Variants in CLDN10 observed in about 807,000 individuals in gnomAD.
CLDN10 encodes claudin-10.
In CLDN10, 15 loss-of-function variants were observed where a neutral mutation model predicts 22.9. That is an observed-to-expected ratio of 0.65 (90% CI 0.44 to 1.01). The LOEUF (loss-of-function observed/expected upper bound fraction) is 1.01. CLDN10 is among the 50% of genes least tolerant of loss of function. The probability of loss-of-function intolerance (pLI) is 0.00; values close to 1 mark genes in which losing one functional copy is unlikely to be tolerated. For missense variants in CLDN10, 247 were observed against 287.8 expected, an observed-to-expected ratio of 0.86 and a Z score of 1.03; for synonymous variants, 114 against 111.4, an observed-to-expected ratio of 1.02 and a Z score of -0.15.
upstream of CLDN10, among the ~76,000 whole-genome samples, chr13:95,548,412 C>T (rs934047583): frequency 6.6e-6 from 1 of 152,174 alleles, no homozygotes; most frequent in African/African-American, 2.4e-5. Context: ...TAGAAATATT[C>T]TGATGGAGTA....
At chr13:95,555,337 C>T (rs1035380193) in intron 1 of CLDN10, among the ~76,000 whole-genome samples, 5 of 152,234 alleles carry the variant, frequency 3.3e-5, no homozygotes, top group Admixed American at 6.5e-5. Flanking sequence ...TGTGCGCCAC[C>T]GCGCCCAGCC....
At chr13:95,512,489 G>A (rs574894030) in intron 1 of CLDN10, among the ~76,000 whole-genome samples, 1 of 152,318 alleles carries the variant, frequency 6.6e-6, no homozygotes, top group Non-Finnish European at 1.5e-5. Context: ...AGTCTAGGAA[G>A]GGAGAGATTG....
chr13:95,458,015 T>C (rs956880049), intron 1 of CLDN10, among the ~76,000 whole-genome samples: 2 of 152,186 alleles, frequency 1.3e-5, no homozygotes, highest in African/African-American at 4.8e-5. Flanking sequence ...ACTCAACTTA[T>C]GCACCTGGGG....
At position 95,507,529 on chromosome 13, in the gene CLDN10, G is replaced by A. The variant is rs1281737869; in HGVS notation, c.215-52603G>A. On this transcript the variant is annotated intron_variant, in intron 1 of 4. Coordinates refer to the CLDN10 transcript ENST00000376873. The stretch of plus-strand genomic sequence containing the variant: ...GTCAGGTGCGGTGTTTCACTCCTAT[G>A]TAATCCCAGCACCTTGGGAGGCTGA... Among the ~76,000 whole-genome samples the A allele has an allele frequency of 2.6e-5, 4 of 152,092 alleles. No homozygotes were observed. In the East Asian group the frequency reaches 7.7e-4, roughly 29 times the overall value.
intron 1 of CLDN10, among the ~76,000 whole-genome samples, chr13:95,494,761 T>C (rs187662200): frequency 1.0e-3 from 155 of 152,254 alleles, no homozygotes; most frequent in African/African-American, 3.3e-3. Flanking sequence ...AATCTTAGGA[T>C]GGTAGATACG....
intron 1 of CLDN10, among the ~76,000 whole-genome samples, chr13:95,531,169 C>T (rs2043338737): frequency 6.6e-6 from 1 of 152,114 alleles, no homozygotes; most frequent in South Asian, 2.1e-4. Context: ...CTGCCCGCCT[C>T]AGCCTCCCAT....
At chr13:95,529,496 G>T (rs2043318686) in intron 1 of CLDN10, among the ~76,000 whole-genome samples, 1 of 152,114 alleles carries the variant, frequency 6.6e-6, no homozygotes, top group Non-Finnish European at 1.5e-5. Context: ...CAAGGGCATT[G>T]GGAACTTCAG....
chr13:95,501,169 A>C (rs2042980656), intron 1 of CLDN10, among the ~76,000 whole-genome samples: 1 of 151,894 alleles, frequency 6.6e-6, no homozygotes, highest in African/African-American at 2.4e-5. Flanking sequence ...TCATGCCACC[A>C]CGCCTCGCTA....
intron 1 of CLDN10, among the ~76,000 whole-genome samples, chr13:95,487,036 G>A (rs750904612): frequency 2.3e-4 from 35 of 152,328 alleles, no homozygotes; most frequent in East Asian, 3.9e-4. Flanking sequence ...TGAACTGTCC[G>A]TGTCCAGCCT....
chr13:95,493,590 A>T (rs1198065025), intron 1 of CLDN10, among the ~76,000 whole-genome samples: 5 of 135,454 alleles, frequency 3.7e-5, no homozygotes, highest in Admixed American at 3.2e-4. Context: ...ACACAGTCTC[A>T]CTCTGTCACC....
chr13:95,538,153 C>CTTTTTTTTT (rs1176533524), intron 1 of CLDN10, among the ~76,000 whole-genome samples: 4 of 66,818 alleles, frequency 6.0e-5, no homozygotes, highest in African/African-American at 1.2e-4. Flanking sequence ...CTGTTTATTT[C>CTTTTTTTTT]TTTTTTTTTT....
chr13:95,496,622 C>A (rs1472884054), intron 1 of CLDN10, among the ~76,000 whole-genome samples: 2 of 152,218 alleles, frequency 1.3e-5, no homozygotes, highest in African/African-American at 4.8e-5. Flanking sequence ...CTCCTCCTGG[C>A]CTGCAGATGG....
chr13:95,572,172 A>G (rs972567824), intron 3 of CLDN10, among the ~76,000 whole-genome samples: 6 of 152,206 alleles, frequency 3.9e-5, no homozygotes, highest in Non-Finnish European at 7.3e-5. Context: ...GGCATTCAGA[A>G]AAAAATCCTG....
chr13:95,462,181 T>C (rs2139090397), intron 1 of CLDN10, among the ~76,000 whole-genome samples: 1 of 152,336 alleles, frequency 6.6e-6, no homozygotes, highest in East Asian at 1.9e-4. Context: ...AATCCAGCTG[T>C]AATACCTCAC....
chr13:95,552,246 C>A (rs1186606989), upstream of CLDN10, among the ~76,000 whole-genome samples: 1 of 152,224 alleles, frequency 6.6e-6, no homozygotes, highest in African/African-American at 2.4e-5. Context: ...GCACGCAAAC[C>A]TTTAGAGTTC....
chr13:95,537,330 T>C (rs1395558644), intron 1 of CLDN10, among the ~76,000 whole-genome samples: 1 of 152,198 alleles, frequency 6.6e-6, no homozygotes, highest in Admixed American at 6.5e-5. Flanking sequence ...GAAACATTCA[T>C]AATTCAATGA....
intron 1 of CLDN10, among the ~76,000 whole-genome samples, chr13:95,509,143 T>G (rs2043069778): frequency 6.6e-6 from 1 of 152,070 alleles, no homozygotes. Flanking sequence ...GAACAGATAC[T>G]AAAGATATTA....
intron 1 of CLDN10, among the ~76,000 whole-genome samples, chr13:95,493,525 A>C: frequency 6.8e-6 from 1 of 146,290 alleles, no homozygotes; most frequent in Non-Finnish European, 1.5e-5. Context: ...TGAATCTGAC[A>C]CTCTAGATAC....
intron 1 of CLDN10, among the ~76,000 whole-genome samples, chr13:95,481,623 GT>G (rs1447211148): frequency 1.3e-4 from 20 of 152,214 alleles, no homozygotes; most frequent in African/African-American, 4.8e-4. Context: ...GAGCATGGCT[GT>G]GTTCCAGGAA....
Sources: allele counts gnomAD v4.1 joint callset (sites outside exome capture counted in the v4.1 genomes callset), GRCh38; gene constraint gnomAD v4.1.1; transcripts MANE v1.5; gene names NCBI Gene and HGNC (gene_info 2026-07-23, HGNC 2026-07-21).